MALRD1: variants seen among roughly 807,000 people sequenced by gnomAD.
MALRD1 encodes the protein MAM and LDL-receptor class A domain-containing protein 1.
MALRD1 carries 247 observed loss-of-function variants against 242.1 expected under a neutral mutation model. The observed-to-expected ratio is 1.02, with a 90% CI of 0.92 to 1.13. MALRD1 has a LOEUF of 1.13. Ranked by LOEUF, MALRD1 falls within the 50% of genes most tolerant of loss-of-function variation. The probability of loss-of-function intolerance (pLI) is 0.00; values close to 1 mark genes in which losing one functional copy is unlikely to be tolerated. For synonymous variants in MALRD1, 995 were observed against 866.6 expected (o/e 1.15, Z -2.60); for missense variants, 2,989 against 2,533.1 (o/e 1.18, Z -3.86).
At chr10:19,368,743 C>T (rs774136921) in intron 26 of MALRD1, among the ~76,000 whole-genome samples, 3 of 151,544 alleles carry the variant, frequency 2.0e-5, no homozygotes, top group African/African-American at 2.4e-5. Flanking sequence ...GCTCAGTGAT[C>T]ATGGGATGTT....
chr10:19,535,579 A>G (rs1834639648), intron 32 of MALRD1, among the ~76,000 whole-genome samples: 1 of 150,332 alleles, frequency 6.7e-6, no homozygotes, highest in African/African-American at 2.4e-5. Context: ...GTATATACGT[A>G]TATATATATA....
Position 19,522,274 on chromosome 10 carries a change from A to G in MALRD1, c.5321-8920A>G, listed in dbSNP as rs556326289. 2.6e-5 allele frequency among the ~76,000 whole-genome samples: 4 copies of G among 152,260 alleles called. No homozygotes were observed. In the South Asian group the frequency reaches 8.3e-4, roughly 32 times the overall value. The stretch of plus-strand genomic sequence containing the variant: ...TACTTTGGGTTTTATTAATATCAAT[A>G]CTTCATTGTACCATTGTTTTGGTAT... On this transcript the variant is annotated intron_variant, in intron 31 of 39. Transcript: ENST00000454679.
chr10:19,272,185 CAT>C (rs1291504729), intron 19 of MALRD1, among the ~76,000 whole-genome samples: 1 of 151,898 alleles, frequency 6.6e-6, no homozygotes, highest in Non-Finnish European at 1.5e-5. Flanking sequence ...ATTATAGAAA[CAT>C]CTCGAATATT....
intron 28 of MALRD1, among the ~76,000 whole-genome samples, chr10:19,433,253 A>T (rs1460057314): frequency 6.6e-6 from 1 of 152,176 alleles, no homozygotes; most frequent in East Asian, 1.9e-4. Context: ...TGAGGGGGTC[A>T]GTGAAGGCTC....
At chr10:19,128,092 T>C in intron 7 of MALRD1, 129 bp from the exon 8 acceptor site, 1 of 542,324 alleles carries the variant, frequency 1.8e-6, no homozygotes, top group Non-Finnish European at 2.8e-6. Flanking sequence ...TTGAAAACGC[T>C]CTATCCTTTT....
intron 36 of MALRD1, among the ~76,000 whole-genome samples, chr10:19,621,105 A>T (rs1238154737): frequency 1.3e-5 from 2 of 151,838 alleles, no homozygotes; most frequent in Non-Finnish European, 2.9e-5. Context: ...CATCAAATGA[A>T]GAGACAAATG....
chr10:19,196,978 G>T (rs570765062), intron 14 of MALRD1, among the ~76,000 whole-genome samples: 11 of 152,164 alleles, frequency 7.2e-5, no homozygotes, highest in African/African-American at 2.4e-4. Context: ...CCTGAGGCTG[G>T]GTAATTTATA....
intron 38 of MALRD1, among the ~76,000 whole-genome samples, chr10:19,704,306 C>T (rs1271974770): frequency 6.6e-6 from 1 of 152,058 alleles, no homozygotes; most frequent in East Asian, 1.9e-4. Context: ...GTTCTGGAGG[C>T]TAAAAAGTCT....
Position 19,205,126 on chromosome 10 carries a change from T to C in MALRD1, c.2439T>C (p.Asn813=). 6.4e-7 allele frequency: 1 copy of C among 1,550,734 alleles called. No individual in the cohort carries two copies. Among genetic ancestry groups the C allele is most frequent in the Non-Finnish European group, 8.7e-7 (1 of 1,147,026 alleles). ...VSAIDDIRFE[N]CTLPLPAESC... is the part of the protein sequence containing the mutation. ...CTATTGATGACATCCGATTTGAAAA[T>C]TGTACTCTCCCTCTTCCTGCTGAGA... Residue 813 remains asparagine (N), a synonymous_variant, in exon 17 of 40, where the codon AAT becomes AAC. Transcript: ENST00000454679.
chr10:19,112,877 C>T (rs1196148525), intron 5 of MALRD1, among the ~76,000 whole-genome samples: 1 of 152,182 alleles, frequency 6.6e-6, no homozygotes, highest in Non-Finnish European at 1.5e-5. Flanking sequence ...CCCTCTCATT[C>T]ATTCCCTGTT....
chr10:19,281,176 A>G (rs370757294), intron 20 of MALRD1, among the ~76,000 whole-genome samples: 1 of 152,220 alleles, frequency 6.6e-6, no homozygotes, highest in East Asian at 1.9e-4. Context: ...AAGCTGACTC[A>G]CTTCATGCAT....
chr10:19,459,324 C>T (rs575921716), intron 29 of MALRD1, among the ~76,000 whole-genome samples: 14 of 152,222 alleles, frequency 9.2e-5, no homozygotes, highest in Admixed American at 5.2e-4. Flanking sequence ...AAATTCTTAA[C>T]GAAGAGGTGG....
intron 18 of MALRD1, among the ~76,000 whole-genome samples, chr10:19,250,444 G>A (rs1006104133): frequency 6.6e-6 from 1 of 151,916 alleles, no homozygotes; most frequent in Non-Finnish European, 1.5e-5. Context: ...GGGTTACAGG[G>A]TATATGGGTT....
chr10:19,502,025 AG>A (rs67256342), intron 31 of MALRD1, among the ~76,000 whole-genome samples: 67,329 of 123,696 alleles, frequency 0.54, 18,667 homozygotes, highest in African/African-American at 0.69. Flanking sequence ...AAAAAAAAAA[AG>A]AAAAGAAAAG....
At chr10:19,121,338 C>A (rs977993637) in intron 5 of MALRD1, among the ~76,000 whole-genome samples, 10 of 152,026 alleles carry the variant, frequency 6.6e-5, no homozygotes, top group African/African-American at 2.4e-4. Context: ...CTGTGCCCAG[C>A]CTACTTGTAC....
chr10:19,602,449 G>GT (rs541295078), intron 34 of MALRD1, among the ~76,000 whole-genome samples: 5,998 of 145,890 alleles, frequency 0.041, 371 homozygotes, highest in African/African-American at 0.13. Flanking sequence ...CGCGGTGTTT[G>GT]TTTTTTTTTC....
intron 28 of MALRD1, among the ~76,000 whole-genome samples, chr10:19,419,170 C>A (rs1220738150): frequency 6.6e-6 from 1 of 152,142 alleles, no homozygotes; most frequent in African/African-American, 2.4e-5. Context: ...CCTTCATTTC[C>A]CTTAACTCAT....
intron 29 of MALRD1, among the ~76,000 whole-genome samples, chr10:19,490,728 A>G (rs892588571): frequency 4.6e-5 from 7 of 152,218 alleles, no homozygotes; most frequent in African/African-American, 1.7e-4. Context: ...GTTTTAGAAA[A>G]AAACACACAT....
chr10:19,307,216 C>T (rs1325594655), intron 21 of MALRD1, among the ~76,000 whole-genome samples: 1 of 148,952 alleles, frequency 6.7e-6, no homozygotes, highest in Non-Finnish European at 1.5e-5. Flanking sequence ...CTATTCTCAG[C>T]TACAGAAACA....
Sources: gnomAD v4.1 joint callset for allele counts (sites outside exome capture counted in the v4.1 genomes callset) on GRCh38, gnomAD v4.1.1 for gene constraint, MANE v1.5 for transcripts, NCBI Gene and HGNC (gene_info 2026-07-23, HGNC 2026-07-21) for gene names.